RAI1: variants seen among roughly 807,000 people sequenced by gnomAD.
RAI1 encodes the protein retinoic acid-induced protein 1.
RAI1 carries 9 observed loss-of-function variants against 123.8 expected under a neutral mutation model. That is an observed-to-expected ratio of 0.07 (90% CI 0.04 to 0.13). The LOEUF is 0.13. Among genes scored for constraint, RAI1 ranks in the 10% least tolerant of loss-of-function variants. RAI1 has a pLI of 1.00. For synonymous variants in RAI1, 1,231 were observed against 1,127.3 expected (o/e 1.09, Z -1.84); for missense variants, 2,256 against 2,545.8 (o/e 0.89, Z 2.45).
chr17:17,713,782 T>G (rs920965319), intron 1 of RAI1, among the ~76,000 whole-genome samples: 6 of 152,232 alleles, frequency 3.9e-5, no homozygotes, highest in African/African-American at 1.4e-4. Flanking sequence ...GGCATTTCTC[T>G]CTAAAATCAT....
intron 1 of RAI1, among the ~76,000 whole-genome samples, chr17:17,717,671 C>G (rs919961216): frequency 6.6e-6 from 1 of 152,294 alleles, no homozygotes; most frequent in African/African-American, 2.4e-5. Flanking sequence ...GCCTCCTGCC[C>G]CCCACCTGGG....
intron 2 of RAI1, among the ~76,000 whole-genome samples, chr17:17,728,093 GTC>G: frequency 6.6e-6 from 1 of 152,178 alleles, no homozygotes; most frequent in Non-Finnish European, 1.5e-5. Context: ...TGTGGTGTCA[GTC>G]TCTGATCCCA....
At chr17:17,791,338 A>G (rs897038476) in intron 2 of RAI1, among the ~76,000 whole-genome samples, 5 of 152,148 alleles carry the variant, frequency 3.3e-5, no homozygotes, top group Non-Finnish European at 7.4e-5. Flanking sequence ...TGAGGAAGGC[A>G]CTTGTGGTGG....
intron 2 of RAI1, among the ~76,000 whole-genome samples, chr17:17,758,490 C>T (rs1305531216): frequency 6.6e-6 from 1 of 152,158 alleles, no homozygotes; most frequent in African/African-American, 2.4e-5. Context: ...TTAGAGGAAG[C>T]TTGTGAGATG....
chr17:17,786,125 C>A (rs919642427), intron 2 of RAI1, among the ~76,000 whole-genome samples: 2 of 152,182 alleles, frequency 1.3e-5, no homozygotes, highest in Non-Finnish European at 2.9e-5. Flanking sequence ...GCCCCTCCCC[C>A]CCCACTTTAT....
At chr17:17,683,345 C>T (rs1043795545) in intron 1 of RAI1, among the ~76,000 whole-genome samples, 6 of 152,182 alleles carry the variant, frequency 3.9e-5, no homozygotes, top group African/African-American at 1.4e-4. Flanking sequence ...CCCCTGCCCC[C>T]CTCCATTCTC....
chr17:17,688,806 G>A (rs2142861865), intron 1 of RAI1, among the ~76,000 whole-genome samples: 1 of 151,934 alleles, frequency 6.6e-6, no homozygotes, highest in Middle Eastern at 3.4e-3. Flanking sequence ...CACCATGCTG[G>A]TCAGGCTGGT....
intron 2 of RAI1, among the ~76,000 whole-genome samples, chr17:17,756,099 C>T (rs1034524954): frequency 6.6e-6 from 1 of 152,236 alleles, no homozygotes; most frequent in African/African-American, 2.4e-5. Context: ...CTGCCTGTGT[C>T]CCTGTTCCCC....
chr17:17,728,038 C>T (rs946260741), intron 2 of RAI1, among the ~76,000 whole-genome samples: 4 of 151,890 alleles, frequency 2.6e-5, no homozygotes, highest in African/African-American at 9.7e-5. Flanking sequence ...GTTGTGCATG[C>T]GTGCCTCTGT....
chr17:17,718,741 G>A (rs775547100), intron 1 of RAI1, among the ~76,000 whole-genome samples: 1 of 152,208 alleles, frequency 6.6e-6, no homozygotes. Context: ...GGGAAACTGG[G>A]AAGGTGACTG....
At chr17:17,718,297 A>G (rs1915772579) in intron 1 of RAI1, among the ~76,000 whole-genome samples, 1 of 152,172 alleles carries the variant, frequency 6.6e-6, no homozygotes, top group East Asian at 1.9e-4. Flanking sequence ...GAACATTTGA[A>G]AATGTTCCAA....
rs577501028 is a variant in RAI1 at position 17,758,445 on chromosome 17, C to T, written c.-17+34286C>T. Among the ~76,000 whole-genome samples, 5 of 152,314 alleles carry T rather than the reference C, an allele frequency of 3.3e-5. No homozygotes were observed. In the South Asian group the frequency reaches 6.2e-4, roughly 19 times the overall value. On this transcript the variant is annotated intron_variant, in intron 2 of 5. Transcript: ENST00000353383. ...CAGAGGCAGCACCTATGGACAGGGA[C>T]GGGCTCCGGGAGCCTCCCTTCCTTG...
In RAI1 at chr17:17,797,565, C is replaced by T; in HGVS notation, c.4617C>T (p.Arg1539=). 6.2e-7 allele frequency: 1 copy of T among 1,614,124 alleles called. No individual in the cohort carries two copies. Among genetic ancestry groups the T allele is most frequent in the Non-Finnish European group, 8.5e-7 (1 of 1,180,042 alleles). ...ACAGCAGCTATTCCAAGCGGAAGCG[C>T]CTCACTCGGGGCCGGGCCAAGAACA... ...TNYSSYSKRK[R]LTRGRAKNTT... is the part of the protein sequence containing the mutation. Residue 1539 remains arginine, a synonymous_variant, in exon 3 of 6, where the codon CGC becomes CGT. Transcript: ENST00000353383.
chr17:17,793,815 GCAGCAA>G lies in RAI1; in HGVS notation c.868_873del (p.Gln290_Gln291del), dbSNP rs1302257874. On this transcript the variant is annotated inframe_deletion, in exon 3 of 6. Coordinates refer to ENST00000353383, the MANE Select transcript of RAI1 (RefSeq NM_030665.4). ...AGCAGCAGCAGCAGCAGCAGCAGCA[GCAGCAA>G]GCCCTTCAGAGCCGGCACCATGCCC... 5 of 1,606,584 alleles carry G rather than the reference GCAGCAA, an allele frequency of 3.1e-6. No homozygotes were observed. The highest frequency in any genetic ancestry group is 1.1e-5 in the South Asian group (1 of 90,962).
In RAI1 at chr17:17,809,622, G is replaced by T. The variant is rs906292370; in HGVS notation, c.5709+183G>T. Among the ~76,000 whole-genome samples, 7 of 152,008 alleles carry T rather than the reference G, an allele frequency of 4.6e-5. No homozygotes were observed. The highest frequency in any genetic ancestry group is 7.4e-5 in the Non-Finnish European group (5 of 67,962). ...CCGCCGCCGTCCAGCTCAGGTCCCT[G>T]TCCACTTGCGCGCCGCCGCCGCCGA... On this transcript the variant is annotated intron_variant, in intron 5 of 5. Coordinates refer to ENST00000353383, the MANE Select transcript of RAI1 (RefSeq NM_030665.4). The surrounding 1 kb of genome is among the most constrained non-coding windows in gnomAD (Gnocchi z 4.9).
intron 2 of RAI1, among the ~76,000 whole-genome samples, chr17:17,787,764 C>T (rs1555564132): frequency 1.3e-5 from 2 of 152,200 alleles, no homozygotes; most frequent in African/African-American, 4.8e-5. Context: ...ACCTGGGCAC[C>T]TAGGCAGGGG....
intron 1 of RAI1, among the ~76,000 whole-genome samples, chr17:17,722,190 C>T (rs1406844022): frequency 1.3e-5 from 2 of 152,120 alleles, no homozygotes; most frequent in African/African-American, 4.8e-5. Context: ...TCTGTGTGAT[C>T]CCTGGTGCAG....
At chr17:17,804,827 G>C (rs1221974117) in intron 4 of RAI1, among the ~76,000 whole-genome samples, 1 of 150,592 alleles carries the variant, frequency 6.6e-6, no homozygotes, top group East Asian at 1.9e-4. Flanking sequence ...CTGGCTCCTA[G>C]TAGTGTTTTT....
Position 17,795,634 on chromosome 17 carries a change from C to G in RAI1, c.2686C>G (p.Pro896Ala), listed in dbSNP as rs2032208519. 6.2e-7 allele frequency: 1 copy of G among 1,613,334 alleles called. No individual in the cohort carries two copies. Among genetic ancestry groups the G allele is most frequent in the South Asian group, 1.1e-5 (1 of 91,072 alleles). ...GCAGGACCCGCTGTCACCCAAGGCCCCACTCATCTGCACCAAGGAGGAGGT... is the reference window on the plus strand; with the variant it reads ...GCAGGACCCGCTGTCACCCAAGGCCGCACTCATCTGCACCAAGGAGGAGGT... ...GMQDPLSPKA[P>A]LICTKEEVEE... The change falls in exon 3 of 6, where the codon CCA becomes GCA. Residue 896 changes from proline to alanine, a missense_variant. Coordinates refer to ENST00000353383, the MANE Select transcript of RAI1 (RefSeq NM_030665.4). This position sits in a 1 kb window ranked among gnomAD's most constrained non-coding sequence, Gnocchi z 5.9.
Sources: allele counts gnomAD v4.1 joint callset (sites outside exome capture counted in the v4.1 genomes callset), GRCh38; gene constraint gnomAD v4.1.1; non-coding constraint Gnocchi (gnomAD v3.1); transcripts MANE v1.5; gene names NCBI Gene and HGNC (gene_info 2026-07-23, HGNC 2026-07-21).